Variants in TOR1AIP2 observed in about 807,000 individuals in gnomAD.
TOR1AIP2 encodes the protein torsin 1A interacting protein 2.
In TOR1AIP2, 20 loss-of-function variants were observed where a neutral mutation model predicts 32.6. The observed-to-expected ratio is 0.61, with a 90% confidence interval of 0.43 to 0.89. The LOEUF (loss-of-function observed/expected upper bound fraction) is 0.89, where lower values mean the gene tolerates loss of function less well. Among genes scored for constraint, TOR1AIP2 ranks in the 40% least tolerant of loss-of-function variants. TOR1AIP2 has a pLI of 0.00. For synonymous variants in TOR1AIP2, 214 were observed against 210.8 expected (o/e 1.02, Z -0.13); for missense variants, 456 against 553.8 (o/e 0.82, Z 1.77).
rs1442059939 is a variant in TOR1AIP2, at chr1:179,840,024, C to A, written c.*6047G>T. ...TAATGGCCAACTAATCTGAATAAGGCACATCATCAGCATCTATAAGAAACA... is the reference window on the plus strand; with the variant it reads ...TAATGGCCAACTAATCTGAATAAGGAACATCATCAGCATCTATAAGAAACA... On this transcript the variant is annotated 3_prime_UTR_variant, in exon 7 of 7. Transcript: ENST00000609928. 1.3e-5 allele frequency: 2 copies of A among 152,226 alleles called. No homozygotes were observed. The highest frequency in any genetic ancestry group is 4.8e-5 in the African/African-American group (2 of 41,456). 9.4% of individuals were successfully genotyped at this position (152,226 alleles called of 1,614,324 possible). A position where few individuals can be genotyped will look rare whatever the true frequency, so the allele number is the denominator to read the frequency against.
At chr1:179,866,995 G>A (rs1696810469) in intron 2 of TOR1AIP2, among the ~76,000 whole-genome samples, 2 of 152,074 alleles carry the variant, frequency 1.3e-5, no homozygotes, top group South Asian at 4.1e-4. Flanking sequence ...TAAATTCTGA[G>A]ACTTGATCCT....
intron 3 of TOR1AIP2, chr1:179,864,272 T>A: frequency 1.0e-6 from 1 of 985,194 alleles, no homozygotes; most frequent in Non-Finnish European, 1.2e-6. Context: ...ATTTTATCTA[T>A]CTATCTATTT....
intron 3 of TOR1AIP2, chr1:179,864,295 C>G: frequency 1.0e-6 from 1 of 985,376 alleles, no homozygotes; most frequent in Non-Finnish European, 1.2e-6. Flanking sequence ...ATATATATCT[C>G]ATCACTGACC....
intron 3 of TOR1AIP2, among the ~76,000 whole-genome samples, chr1:179,854,353 C>T (rs1282883056): frequency 3.3e-5 from 5 of 152,024 alleles, no homozygotes; most frequent in African/African-American, 4.8e-5. Flanking sequence ...AAATATCATG[C>T]ATAGACAAAT....
At chr1:179,850,356 T>G (rs749025756) in intron 5 of TOR1AIP2, among the ~76,000 whole-genome samples, 23 of 152,172 alleles carry the variant, frequency 1.5e-4, no homozygotes, top group Non-Finnish European at 2.6e-4. Context: ...ATAGAGAAAC[T>G]AACTGTCTTA....
At chr1:179,849,909 TTCTAATGATTAA>T (rs1696051402) in intron 5 of TOR1AIP2, among the ~76,000 whole-genome samples, 1 of 152,280 alleles carries the variant, frequency 6.6e-6, no homozygotes, top group African/African-American at 2.4e-5. Context: ...TTACAGATTA[TTCTAATGATTAA>T]TAAATAAAAC....
At chr1:179,876,642 C>CA (rs11463245) in intron 2 of TOR1AIP2, among the ~76,000 whole-genome samples, 29,755 of 145,576 alleles carry the variant, frequency 0.2, 3,033 homozygotes, top group East Asian at 0.24. Context: ...ATCTTGTGCT[C>CA]AAAAAAAAAA....
At chr1:179,860,874 G>C (rs1404230520) in intron 3 of TOR1AIP2, 10 of 985,320 alleles carry the variant, frequency 1.0e-5, no homozygotes, top group Non-Finnish European at 1.2e-5. Context: ...CACTTTTACA[G>C]ACAGCTATGA....
At chr1:179,859,717 C>G in intron 3 of TOR1AIP2, 1 of 985,468 alleles carries the variant, frequency 1.0e-6, no homozygotes, top group Non-Finnish European at 1.2e-6. Flanking sequence ...CTTCGGTCAT[C>G]CATCCCTCCA....
chr1:179,847,010 G>T (rs1424722025), intron 6 of TOR1AIP2, among the ~76,000 whole-genome samples, 182 bp from the exon 7 acceptor site: 18 of 152,170 alleles, frequency 1.2e-4, no homozygotes, highest in Admixed American at 1.0e-3. Flanking sequence ...TCTCTTCTCA[G>T]ATTTAATTAT....
Position 179,851,175 on chromosome 1 carries a change from C to G in TOR1AIP2, c.223G>C (p.Glu75Gln). The stretch of plus-strand genomic sequence containing the variant: ...TTTGGATGTTTCCCCACATTTGCTT[C>G]ATCTGGACTTTCTGATTTATCACCT... Reference protein sequence around the residue: ...DTGDKSESPDEANVGKHPKDK... With the variant: ...DTGDKSESPDQANVGKHPKDK... Residue 75 changes from glutamate (E) to glutamine (Q), a missense_variant, in exon 5 of 7, where the codon GAA becomes CAA. By Grantham distance (29) the Glu-to-Gln change is conservative. Transcript: ENST00000609928. The G allele has an allele frequency of 6.2e-7, 1 of 1,614,134 alleles. No homozygotes were observed. The highest frequency in any genetic ancestry group is 8.5e-7 in the Non-Finnish European group (1 of 1,180,032).
intron 3 of TOR1AIP2, chr1:179,863,545 T>C (rs1696639301): frequency 3.1e-6 from 3 of 978,946 alleles, no homozygotes; most frequent in Admixed American, 1.2e-4. Flanking sequence ...ACATGGATCC[T>C]AGGCCGGGTA....
intron 3 of TOR1AIP2, chr1:179,861,087 T>C (rs1006123448): frequency 1.1e-4 from 109 of 985,320 alleles, no homozygotes; most frequent in Non-Finnish European, 1.3e-4. Flanking sequence ...TGGACTGCCA[T>C]AAAATAACAG....
intron 3 of TOR1AIP2, chr1:179,862,419 AAACT>A (rs1696579085): frequency 7.1e-6 from 7 of 984,662 alleles, no homozygotes; most frequent in South Asian, 4.7e-5. Context: ...AGTTAGTGAT[AAACT>A]AACTAGTCTT....
chr1:179,846,593 T>A lies in TOR1AIP2; in HGVS notation c.891A>T (p.Ile297=), dbSNP rs1695915067. 6.2e-7 allele frequency: 1 copy of A among 1,613,992 alleles called. No homozygotes were observed. Among genetic ancestry groups the A allele is most frequent in the African/African-American group, 1.3e-5 (1 of 74,884 alleles). Residue 297 remains isoleucine, a synonymous_variant, in exon 7 of 7, where the codon ATA becomes ATT. Transcript: ENST00000609928. ...ASNPTEPATI[I]FTAAREGRET... ...CTCTTCCCTCCCGAGCTGCTGTAAATATGATGGTGGCTGGCTCAGTGGGGT... is the reference window on the plus strand; with the variant it reads ...CTCTTCCCTCCCGAGCTGCTGTAAAAATGATGGTGGCTGGCTCAGTGGGGT...
chr1:179,846,768 T>C lies in TOR1AIP2; in HGVS notation c.716A>G (p.Tyr239Cys). Residue 239 changes from tyrosine to cysteine, a missense_variant, in exon 7 of 7, where the codon TAT (tyrosine) becomes TGT (cysteine). Tyr to Cys is a radical substitution (Grantham distance 194). Transcript: ENST00000609928. ...GGGCACTTGCTGGGCTGGAGAGGAA[T>C]AGTAGCTATTCACAGAACTTGCCAC... The part of the protein sequence containing the change: ...AVVASSVNSY[Y>C]SSPAQQVPKN... The C allele has an allele frequency of 1.2e-6, 2 of 1,613,584 alleles. No homozygotes were observed. Among genetic ancestry groups the C allele is most frequent in the South Asian group, 1.1e-5 (1 of 91,080 alleles).
chr1:179,848,049 A>C (rs543506039), intron 5 of TOR1AIP2, among the ~76,000 whole-genome samples: 188 of 152,086 alleles, frequency 1.2e-3, no homozygotes, highest in African/African-American at 4.1e-3. Context: ...AAAAAAAAAA[A>C]AAACCAAAGT....
chr1:179,876,134 C>G (rs547636485), intron 2 of TOR1AIP2: 1 of 152,270 alleles, frequency 6.6e-6, no homozygotes, highest in African/African-American at 2.4e-5. Flanking sequence ...AGCAAACATT[C>G]CTTCAGGAAA....
At chr1:179,860,823 T>C in intron 3 of TOR1AIP2, 2 of 985,460 alleles carry the variant, frequency 2.0e-6, no homozygotes, top group Non-Finnish European at 2.4e-6. Flanking sequence ...GACTCAGGGT[T>C]GCCAGGGAGA....
Sources: allele counts gnomAD v4.1 joint callset (sites outside exome capture counted in the v4.1 genomes callset), GRCh38; gene constraint gnomAD v4.1.1; transcripts MANE v1.5; gene names NCBI Gene and HGNC (gene_info 2026-07-23, HGNC 2026-07-21).